PCDH15: variants seen among roughly 807,000 people sequenced by gnomAD.
PCDH15 encodes the protein protocadherin related 15.
Under a neutral mutation model 178.5 loss-of-function variants are expected in PCDH15, and 129 were observed. That is an observed-to-expected ratio of 0.72 (90% CI 0.63 to 0.84). The LOEUF (loss-of-function observed/expected upper bound fraction) is 0.84, where lower values mean the gene tolerates loss of function less well. PCDH15 is among the 40% of genes least tolerant of loss of function. The probability of loss-of-function intolerance (pLI) is 0.00; values close to 1 mark genes in which losing one functional copy is unlikely to be tolerated. For missense variants in PCDH15, 2,230 were observed against 2,099.9 expected, an observed-to-expected ratio of 1.06 and a Z score of -1.21; for synonymous variants, 800 against 732.0, an observed-to-expected ratio of 1.09 and a Z score of -1.50.
rs567463828 is a variant in PCDH15 at position 54,364,901 on chromosome 10, A to G, written c.474+4219T>C. On this transcript the variant is annotated intron_variant, in intron 5 of 37. Transcript: ENST00000644397. ...AGCTGTCGACTGGGGTTCCTTCAAGAGTATTCTTGCATTTTCAGGCTATAT... is the reference window on the plus strand; with the variant it reads ...AGCTGTCGACTGGGGTTCCTTCAAGGGTATTCTTGCATTTTCAGGCTATAT... Among the ~76,000 whole-genome samples, 5 of 152,210 alleles carry G rather than the reference A, an allele frequency of 3.3e-5. No homozygotes were observed. In the South Asian group the frequency reaches 1.0e-3, roughly 32 times the overall value.
At chr10:55,143,600 G>A (rs1838412856) in intron 2 of PCDH15, among the ~76,000 whole-genome samples, 1 of 151,966 alleles carries the variant, frequency 6.6e-6, no homozygotes, top group Admixed American at 6.6e-5. Flanking sequence ...AATTGCTGAA[G>A]AGATAGTATG....
rs189191802 is a variant in PCDH15 at position 53,837,048 on chromosome 10, G to A, written c.3983+3272C>T. ...ATGAATCAGTGAATTCAAAAATAGG[G>A]CAGTAAATATTATTCACACTAAAAT... On this transcript the variant is annotated intron_variant, in intron 29 of 37. Coordinates refer to ENST00000644397, the MANE Select transcript of PCDH15 (RefSeq NM_001384140.1). Among the ~76,000 whole-genome samples the A allele has an allele frequency of 2.6e-5, 4 of 151,180 alleles. No homozygotes were observed. The East Asian group carries it at 7.8e-4, about 29-fold the overall frequency.
intron 1 of PCDH15, among the ~76,000 whole-genome samples, chr10:54,719,459 A>T (rs2095519011): frequency 6.6e-6 from 1 of 151,710 alleles, no homozygotes; most frequent in Admixed American, 6.6e-5. Context: ...ATTCAGCAAA[A>T]CTCCCATGGG....
intron 3 of PCDH15, among the ~76,000 whole-genome samples, chr10:54,807,529 CTTT>C (rs540683037): frequency 6.6e-6 from 1 of 150,812 alleles, no homozygotes; most frequent in Non-Finnish European, 1.5e-5. Context: ...AACTTGGGAA[CTTT>C]TTTTTTCTCT....
chr10:54,111,167 A>G (rs10825236), intron 15 of PCDH15, among the ~76,000 whole-genome samples: 37,560 of 152,102 alleles, frequency 0.25, 5,894 homozygotes, highest in East Asian at 0.86. Context: ...ACAATAGCTG[A>G]CAGCATGTGA....
intron 13 of PCDH15, among the ~76,000 whole-genome samples, chr10:54,179,722 G>A (rs1667655411): frequency 6.6e-6 from 1 of 152,080 alleles, no homozygotes; most frequent in African/African-American, 2.4e-5. Flanking sequence ...TCCGTTATGG[G>A]TGGCCAAATC....
chr10:55,024,800 T>A (rs1471626315), intron 2 of PCDH15, among the ~76,000 whole-genome samples: 3 of 152,200 alleles, frequency 2.0e-5, no homozygotes, highest in Non-Finnish European at 4.4e-5. Context: ...CCATTCCCAC[T>A]GCCACTGGGT....
intron 2 of PCDH15, among the ~76,000 whole-genome samples, chr10:55,111,415 C>T (rs1212756223): frequency 6.6e-6 from 1 of 151,850 alleles, no homozygotes; most frequent in Non-Finnish European, 1.5e-5. Context: ...ATAAGGCAAG[C>T]TTATTTTAAG....
intron 3 of PCDH15, among the ~76,000 whole-genome samples, chr10:54,831,298 T>C (rs1011596224): frequency 1.4e-4 from 21 of 152,122 alleles, no homozygotes; most frequent in African/African-American, 4.6e-4. Flanking sequence ...AATAAGGTTT[T>C]GGTGTGACAG....
intron 8 of PCDH15, among the ~76,000 whole-genome samples, chr10:54,297,954 G>A (rs940757096): frequency 6.6e-6 from 1 of 152,176 alleles, no homozygotes; most frequent in Admixed American, 6.5e-5. Context: ...TAGAATGACA[G>A]CTGAAGAAAG....
chr10:55,034,410 T>C (rs1322935822), intron 2 of PCDH15, among the ~76,000 whole-genome samples: 1 of 152,218 alleles, frequency 6.6e-6, no homozygotes, highest in African/African-American at 2.4e-5. Context: ...GCAGATATTC[T>C]AGAGCAGACT....
At chr10:55,130,036 T>G (rs1439911789) in intron 2 of PCDH15, among the ~76,000 whole-genome samples, 2 of 152,142 alleles carry the variant, frequency 1.3e-5, no homozygotes, top group South Asian at 2.1e-4. Flanking sequence ...CAATTTGCCA[T>G]CTTTTTCAGC....
chr10:54,379,218 TC>T (rs1212085144), intron 3 of PCDH15, among the ~76,000 whole-genome samples: 3 of 152,014 alleles, frequency 2.0e-5, no homozygotes, highest in Admixed American at 6.6e-5. Flanking sequence ...TAAATCTGTT[TC>T]CCCCCATCTA....
chr10:54,143,009 G>A (rs12268036), intron 14 of PCDH15, among the ~76,000 whole-genome samples: 2,342 of 152,210 alleles, frequency 0.015, 75 homozygotes, highest in African/African-American at 0.054. Flanking sequence ...ATACTCGACA[G>A]AATTTCCAAC....
chr10:54,281,852 C>A (rs1167636296), intron 8 of PCDH15, among the ~76,000 whole-genome samples: 1 of 151,966 alleles, frequency 6.6e-6, no homozygotes, highest in Non-Finnish European at 1.5e-5. Flanking sequence ...ACATAACTAT[C>A]AGGCTGTTAA....
intron 1 of PCDH15, among the ~76,000 whole-genome samples, chr10:55,271,813 C>A (rs1842451917): frequency 6.6e-6 from 1 of 152,016 alleles, no homozygotes; most frequent in Non-Finnish European, 1.5e-5. Context: ...CCGAAACTGA[C>A]CTTTCTAAAT....
chr10:54,332,265 T>TA (rs1179911698), intron 6 of PCDH15, among the ~76,000 whole-genome samples: 3 of 72,190 alleles, frequency 4.2e-5, no homozygotes, highest in Non-Finnish European at 7.5e-5. Context: ...ATATTATATA[T>TA]TATTATATAT....
At chr10:55,565,104 A>G (rs1381947319) in intron 2 of PCDH15, among the ~76,000 whole-genome samples, 1 of 151,794 alleles carries the variant, frequency 6.6e-6, no homozygotes, top group Non-Finnish European at 1.5e-5. Flanking sequence ...GTGTTAGGCC[A>G]CAAATTACAT....
chr10:54,167,939 G>T (rs2046434741), intron 13 of PCDH15, among the ~76,000 whole-genome samples: 1 of 151,136 alleles, frequency 6.6e-6, no homozygotes, highest in South Asian at 2.1e-4. Context: ...TTTCTGGAAG[G>T]TAAGAACCCC....
Sources: gnomAD v4.1 joint callset for allele counts (sites outside exome capture counted in the v4.1 genomes callset) on GRCh38, gnomAD v4.1.1 for gene constraint, MANE v1.5 for transcripts, NCBI Gene and HGNC (gene_info 2026-07-23, HGNC 2026-07-21) for gene names.